Variants in CEP63 observed in about 807,000 individuals in gnomAD.
The protein encoded by CEP63 is centrosomal protein of 63 kDa.
CEP63 carries 84 observed loss-of-function variants against 89.1 expected under a neutral mutation model. The observed-to-expected ratio is 0.94, with a 90% CI of 0.79 to 1.13. The LOEUF is 1.13. Ranked by LOEUF, CEP63 falls within the 50% of genes most tolerant of loss-of-function variation. The pLI is 0.00. For missense variants in CEP63, 838 were observed against 813.3 expected, an observed-to-expected ratio of 1.03 and a Z score of -0.37; for synonymous variants, 267 against 272.5, an observed-to-expected ratio of 0.98 and a Z score of 0.20.
the CEP63 span, among the ~76,000 whole-genome samples, chr3:134,725,472 C>G: frequency 6.6e-5 from 10 of 152,224 alleles, no homozygotes; most frequent in East Asian, 1.9e-3. Flanking sequence ...GCAGGGCCAC[C>G]CAACCCCCAA....
intron 9 of CEP63, among the ~76,000 whole-genome samples, chr3:134,548,366 GTGT>G (rs767659293): frequency 6.6e-6 from 1 of 152,318 alleles, no homozygotes; most frequent in East Asian, 1.9e-4. Context: ...TTCTGCTGTG[GTGT>G]TGTTACTTCC....
the CEP63 span, among the ~76,000 whole-genome samples, chr3:134,690,399 T>C: frequency 6.6e-6 from 1 of 152,218 alleles, no homozygotes; most frequent in East Asian, 1.9e-4. Flanking sequence ...TAACTTGTGG[T>C]GAAGAGTTTG....
chr3:134,488,760 G>C (rs1042339040), intron 1 of CEP63, among the ~76,000 whole-genome samples: 1 of 152,154 alleles, frequency 6.6e-6, no homozygotes, highest in Non-Finnish European at 1.5e-5. Flanking sequence ...AAAAAGGTTG[G>C]GGACCACTGC....
At chr3:134,519,515 A>G (rs1054825225) in intron 3 of CEP63, among the ~76,000 whole-genome samples, 10 of 152,332 alleles carry the variant, frequency 6.6e-5, no homozygotes, top group African/African-American at 2.4e-4. Flanking sequence ...TCTACCAGAC[A>G]TTTTAAGAAA....
the CEP63 span, among the ~76,000 whole-genome samples, chr3:134,719,508 A>G: frequency 6.6e-6 from 1 of 152,322 alleles, no homozygotes; most frequent in African/African-American, 2.4e-5. Context: ...CCATCTAAGT[A>G]TACAACTTAA....
downstream of CEP63, among the ~76,000 whole-genome samples, chr3:134,576,781 C>T (rs1958222188): frequency 6.6e-6 from 1 of 152,102 alleles, no homozygotes; most frequent in Non-Finnish European, 1.5e-5. Context: ...TGACCCTGGC[C>T]TCGGGGTCTG....
chr3:134,710,154 G>T, the CEP63 span, among the ~76,000 whole-genome samples: 2 of 152,174 alleles, frequency 1.3e-5, no homozygotes, highest in African/African-American at 4.8e-5. Flanking sequence ...GAGTCTGAAG[G>T]TCTAAGGCTG....
At chr3:134,679,856 G>T in the CEP63 span, among the ~76,000 whole-genome samples, 3 of 152,138 alleles carry the variant, frequency 2.0e-5, no homozygotes, top group South Asian at 6.2e-4. Flanking sequence ...CAGAGTAGCT[G>T]GGACTACAGG....
At chr3:134,539,363 A>G (rs1305248536) in intron 6 of CEP63, among the ~76,000 whole-genome samples, 1 of 152,132 alleles carries the variant, frequency 6.6e-6, no homozygotes. Flanking sequence ...TCAAACTGAA[A>G]CTCTATACCA....
the CEP63 span, among the ~76,000 whole-genome samples, chr3:134,756,885 G>A: frequency 6.6e-6 from 1 of 152,158 alleles, no homozygotes; most frequent in Non-Finnish European, 1.5e-5. Flanking sequence ...AGCTCCAAAA[G>A]GGAGACCAGG....
At chr3:134,695,214 G>A in the CEP63 span, among the ~76,000 whole-genome samples, 6 of 152,282 alleles carry the variant, frequency 3.9e-5, 1 homozygote, top group African/African-American at 9.6e-5. Flanking sequence ...AACCACTGGG[G>A]CATGATTTTT....
chr3:134,671,564 G>A, the CEP63 span, among the ~76,000 whole-genome samples: 2 of 152,264 alleles, frequency 1.3e-5, no homozygotes, highest in Non-Finnish European at 2.9e-5. Context: ...TGGCGAGCAT[G>A]TGGGTATTTG....
At chr3:134,597,155 G>C in the CEP63 span, among the ~76,000 whole-genome samples, 2 of 152,124 alleles carry the variant, frequency 1.3e-5, no homozygotes, top group African/African-American at 4.8e-5. Flanking sequence ...ACCATTGGTC[G>C]GTTTTAAGTA....
chr3:134,760,213 C>A, the CEP63 span, among the ~76,000 whole-genome samples: 1 of 152,000 alleles, frequency 6.6e-6, no homozygotes, highest in African/African-American at 2.4e-5. Flanking sequence ...CGCCCGCCAC[C>A]ACGCCCGGCT....
At chr3:134,744,931 A>G in the CEP63 span, among the ~76,000 whole-genome samples, 1 of 152,208 alleles carries the variant, frequency 6.6e-6, no homozygotes, top group African/African-American at 2.4e-5. Context: ...AGCCTTATTG[A>G]GGTATGAGCA....
intron 2 of CEP63, among the ~76,000 whole-genome samples, chr3:134,505,386 G>A (rs941747058): frequency 6.6e-6 from 1 of 152,148 alleles, no homozygotes; most frequent in Non-Finnish European, 1.5e-5. Context: ...ATCAGTATCA[G>A]TGGTTTCTGT....
chr3:134,488,090 GGTGA>G (rs1276517522), intron 1 of CEP63: 1 of 152,248 alleles, frequency 6.6e-6, no homozygotes, highest in Non-Finnish European at 1.5e-5. Flanking sequence ...CAGAGCAGGA[GGTGA>G]GTGACAGGCT....
chr3:134,547,214 GA>G, intron 8 of CEP63, 120 bp from the exon 9 acceptor site: 1 of 830,700 alleles, frequency 1.2e-6, no homozygotes, highest in Non-Finnish European at 2.0e-6. Flanking sequence ...TATAAAGCAG[GA>G]GACAAACTTG....
the CEP63 span, among the ~76,000 whole-genome samples, chr3:134,676,706 A>G: frequency 2.0e-5 from 3 of 152,274 alleles, no homozygotes; most frequent in Admixed American, 2.0e-4. Context: ...CCATGATATC[A>G]CTTGAGCCCC....
Sources: gnomAD v4.1 joint callset for allele counts (sites outside exome capture counted in the v4.1 genomes callset) on GRCh38, gnomAD v4.1.1 for gene constraint, MANE v1.5 for transcripts, NCBI Gene and HGNC (gene_info 2026-07-23, HGNC 2026-07-21) for gene names.